Variants in FAT3 observed in about 807,000 individuals in gnomAD.
The protein encoded by FAT3 is FAT atypical cadherin 3.
In FAT3, 95 loss-of-function variants were observed where a neutral mutation model predicts 310.2. That is an observed-to-expected ratio of 0.31 (90% CI 0.26 to 0.36). FAT3 has a LOEUF of 0.36. Among genes scored for constraint, FAT3 ranks in the 10% least tolerant of loss-of-function variants. FAT3 has a pLI of 1.00. For missense variants in FAT3, 5,408 were observed against 5,715.6 expected, an observed-to-expected ratio of 0.95 and a Z score of 1.74; for synonymous variants, 2,314 against 2,192.9, an observed-to-expected ratio of 1.06 and a Z score of -1.54.
At chr11:92,652,250 G>A (rs569048569) in intron 3 of FAT3, among the ~76,000 whole-genome samples, 239 of 152,196 alleles carry the variant, frequency 1.6e-3, no homozygotes, top group African/African-American at 5.4e-3. Flanking sequence ...GGCACAAGGC[G>A]CTACCCCTGG....
chr11:92,313,001 T>C (rs1331344923), intron 1 of FAT3, among the ~76,000 whole-genome samples: 1 of 152,260 alleles, frequency 6.6e-6, no homozygotes, highest in Non-Finnish European at 1.5e-5. Context: ...TTATGATAGC[T>C]GTTCTTTAAG....
chr11:92,774,368 C>T (rs955641810), intron 7 of FAT3, among the ~76,000 whole-genome samples, 188 bp downstream of exon 7: 8 of 152,188 alleles, frequency 5.3e-5, no homozygotes, highest in African/African-American at 9.6e-5. Context: ...ACTTAGCTGC[C>T]GCTTTCAAGA....
At chr11:92,368,848 A>G in intron 2 of FAT3, among the ~76,000 whole-genome samples, 1 of 133,680 alleles carries the variant, frequency 7.5e-6, no homozygotes, top group East Asian at 2.0e-4. Flanking sequence ...ATATATATAT[A>G]CACACATACA....
chr11:92,373,308 G>A (rs1949246735), intron 2 of FAT3, among the ~76,000 whole-genome samples: 2 of 152,144 alleles, frequency 1.3e-5, no homozygotes, highest in Non-Finnish European at 2.9e-5. Flanking sequence ...TACTCTTACT[G>A]CTCCAGATTT....
chr11:92,543,499 G>A (rs909643079), intron 3 of FAT3, among the ~76,000 whole-genome samples: 1 of 152,142 alleles, frequency 6.6e-6, no homozygotes, highest in African/African-American at 2.4e-5. Flanking sequence ...AGAAATCTAG[G>A]TGACTAAACC....
chr11:92,716,521 T>A (rs1419282746), intron 4 of FAT3, among the ~76,000 whole-genome samples: 1 of 152,234 alleles, frequency 6.6e-6, no homozygotes, highest in Non-Finnish European at 1.5e-5. Flanking sequence ...TTTTTACTTT[T>A]ACAGAAAATT....
At chr11:92,412,632 A>G (rs910596235) in intron 2 of FAT3, among the ~76,000 whole-genome samples, 26 of 140,880 alleles carry the variant, frequency 1.8e-4, no homozygotes, top group Non-Finnish European at 3.4e-4. Context: ...AATTAGCAAA[A>G]TTCAAAATCT....
At chr11:92,497,036 G>A (rs776473021) in intron 2 of FAT3, among the ~76,000 whole-genome samples, 1 of 151,984 alleles carries the variant, frequency 6.6e-6, no homozygotes, top group Non-Finnish European at 1.5e-5. Context: ...AGTGTATTTC[G>A]AATGGAACCT....
intron 1 of FAT3, chr11:92,314,389 A>G: frequency 1.6e-6 from 1 of 621,070 alleles, no homozygotes; most frequent in Non-Finnish European, 2.0e-6. Flanking sequence ...CATTGCATGA[A>G]ACAAGGAAAA....
At chr11:92,370,044 C>G (rs1197412409) in intron 2 of FAT3, among the ~76,000 whole-genome samples, 1 of 152,124 alleles carries the variant, frequency 6.6e-6, no homozygotes, top group Admixed American at 6.5e-5. Flanking sequence ...TTGAGAGCTG[C>G]GCTAATAACT....
Position 92,844,200 on chromosome 11 carries a change from G to T in FAT3, c.10833G>T (p.Leu3611=). ...GGAAAATCATCGCCCTGGGAGGCCT[G>T]GACAGCGGCAAGTATGTCCTGAATG... The part of the protein sequence containing the change: ...HDGKIIALGG[L]DSGKYVLNVS... Residue 3611 remains leucine (L), a synonymous_variant, in exon 19 of 28, where the codon CTG becomes CTT. Coordinates refer to ENST00000525166, the MANE Select transcript of FAT3 (RefSeq NM_001367949.2). 1 of 1,614,026 alleles carries T rather than the reference G, an allele frequency of 6.2e-7. No homozygotes were observed.
chr11:92,619,694 A>G (rs1016502515), intron 3 of FAT3, among the ~76,000 whole-genome samples: 1 of 151,722 alleles, frequency 6.6e-6, no homozygotes, highest in Non-Finnish European at 1.5e-5. Context: ...TTATTTTTGT[A>G]AAGTTAATAG....
intron 2 of FAT3, among the ~76,000 whole-genome samples, chr11:92,412,746 A>ACACATATATAT (rs1591252852): frequency 2.8e-4 from 5 of 18,072 alleles, no homozygotes; most frequent in East Asian, 1.7e-3. Context: ...TATATATATA[A>ACACATATATAT]ATATACATAC....
At chr11:92,487,189 A>C (rs1401952158) in intron 2 of FAT3, among the ~76,000 whole-genome samples, 1 of 152,086 alleles carries the variant, frequency 6.6e-6, no homozygotes, top group Non-Finnish European at 1.5e-5. Flanking sequence ...AAGTAGGCAG[A>C]TATAGGAACT....
chr11:92,847,778 A>G (rs1301767496), intron 19 of FAT3, among the ~76,000 whole-genome samples: 1 of 152,224 alleles, frequency 6.6e-6, no homozygotes, highest in Non-Finnish European at 1.5e-5. Flanking sequence ...TTTAATAGCA[A>G]TAGCTTTCTC....
Position 92,882,904 on chromosome 11 carries a change from G to A in FAT3, c.12448G>A (p.Val4150Met), listed in dbSNP as rs745323727. 4 of 1,612,814 alleles carry A rather than the reference G, an allele frequency of 2.5e-6. No individual in the cohort carries two copies. The highest frequency in any genetic ancestry group is 4.5e-5 in the East Asian group (2 of 44,848). ...VPNIQAGHSY[V>M]GKEELIGIAV... Reference sequence around the variant, plus strand: ...CAATATCCAGGCTGGCCACTCCTACGTGGGGAAGGAGGAGCTCATCGGCAT... The same window carrying A: ...CAATATCCAGGCTGGCCACTCCTACATGGGGAAGGAGGAGCTCATCGGCAT... The change falls in exon 24 of 28, where the codon GTG becomes ATG. Residue 4150 changes from valine to methionine, a missense_variant. Around this residue, in one of 5 missense-constraint regions of FAT3, gnomAD observed 649 missense variants for 666.2 expected, o/e 0.97. Transcript: ENST00000525166.
chr11:92,383,254 T>A (rs557348315), intron 2 of FAT3, among the ~76,000 whole-genome samples: 4 of 152,354 alleles, frequency 2.6e-5, no homozygotes, highest in African/African-American at 9.6e-5. Context: ...GACGTTTAGG[T>A]TGAATCTATG....
chr11:92,701,092 A>T (rs944563195), intron 4 of FAT3, among the ~76,000 whole-genome samples: 7 of 152,186 alleles, frequency 4.6e-5, no homozygotes, highest in African/African-American at 1.7e-4. Flanking sequence ...AGAGTGTTTA[A>T]TTGCCGAGAT....
chr11:92,548,646 T>C (rs574750113), intron 3 of FAT3, among the ~76,000 whole-genome samples: 13 of 152,334 alleles, frequency 8.5e-5, no homozygotes, highest in African/African-American at 2.9e-4. Flanking sequence ...ACTTGGCACA[T>C]AGATTATTGG....
Sources: gnomAD v4.1 joint callset for allele counts (sites outside exome capture counted in the v4.1 genomes callset) on GRCh38, gnomAD v4.1.1 for gene constraint, gnomAD v4.1.1 regional missense constraint, MANE v1.5 for transcripts, NCBI Gene and HGNC (gene_info 2026-07-23, HGNC 2026-07-21) for gene names.